Variants in PRKAR1A observed in about 807,000 individuals in gnomAD.
PRKAR1A encodes protein kinase cAMP-dependent type I regulatory subunit alpha.
A neutral mutation model predicts 52.0 loss-of-function variants in PRKAR1A; 3 were observed. The observed-to-expected ratio is 0.06, with a 90% CI of 0.03 to 0.15. PRKAR1A has a LOEUF of 0.15. PRKAR1A is among the 10% of genes least tolerant of loss of function. PRKAR1A has a pLI of 1.00. For missense variants in PRKAR1A, 240 were observed against 477.4 expected (o/e 0.50, Z 4.63); for synonymous variants, 188 against 168.4 (o/e 1.12, Z -0.90).
At position 68,524,893 on chromosome 17, in the gene PRKAR1A, C is replaced by CT. The variant is rs138285568; in HGVS notation, c.503-13dup. 8.5e-5 allele frequency: 136 copies of CT among 1,591,252 alleles called. 1 individual carries two copies. In the South Asian group the frequency reaches 1.1e-3, roughly 13 times the overall value. ...TCTTTAATTTGGAATATGCTTCTAA[C>CT]TTTTTTACCCTCTTTTAGGTGATGA... On this transcript the variant is annotated intron_variant, in intron 5 of 10. Transcript: ENST00000589228.
chr17:68,494,823 C>T, the PRKAR1A span, among the ~76,000 whole-genome samples: 63 of 152,266 alleles, frequency 4.1e-4, no homozygotes, highest in South Asian at 2.1e-3. Context: ...TGACCTCAGT[C>T]GACACCACAT....
chr17:68,531,977 G>T lies in PRKAR1A; in HGVS notation c.*1528G>T, dbSNP rs1397083919. The T allele has an allele frequency of 9.4e-7, 1 of 1,065,718 alleles. No homozygotes were observed. The highest frequency in any genetic ancestry group is 1.6e-5 in the African/African-American group (1 of 61,044). The allele number at this position is 1,065,718 out of a possible 1,614,324, so 66.0% of individuals were successfully genotyped here. On this transcript the variant is annotated 3_prime_UTR_variant, in exon 11 of 11. Coordinates refer to ENST00000589228, the MANE Select transcript of PRKAR1A (RefSeq NM_002734.5). ...GACTCTGTTATTGATCCCTTCTCCT[G>T]CCCTTTCCCAGGTAATTTAAATTGG...
the PRKAR1A span, among the ~76,000 whole-genome samples, chr17:68,478,334 C>G: frequency 6.6e-6 from 1 of 152,160 alleles, no homozygotes; most frequent in Non-Finnish European, 1.5e-5. Flanking sequence ...CGCCTGTAGT[C>G]CCAGCTACTC....
chr17:68,506,225 A>G, the PRKAR1A span, among the ~76,000 whole-genome samples: 6 of 147,022 alleles, frequency 4.1e-5, no homozygotes, highest in Non-Finnish European at 6.0e-5. Flanking sequence ...ACCATCTTCC[A>G]TCTTATCCTT....
At chr17:68,496,338 G>A in the PRKAR1A span, among the ~76,000 whole-genome samples, 4 of 151,860 alleles carry the variant, frequency 2.6e-5, no homozygotes, top group East Asian at 2.0e-4. Flanking sequence ...CACTGCGCCC[G>A]GCCCTCTCTG....
chr17:68,445,729 T>G, the PRKAR1A span, among the ~76,000 whole-genome samples: 24 of 152,332 alleles, frequency 1.6e-4, no homozygotes, highest in African/African-American at 5.1e-4. Flanking sequence ...CATAGCCCAG[T>G]ACAAGGGCAG....
chr17:68,465,770 G>A, the PRKAR1A span, among the ~76,000 whole-genome samples: 2 of 151,714 alleles, frequency 1.3e-5, no homozygotes, highest in Non-Finnish European at 2.9e-5. Flanking sequence ...CGCCCGGCCT[G>A]TCTCAGCTTT....
Position 68,522,770 on chromosome 17 carries a change from G to A in PRKAR1A, c.192G>A (p.Gln64=), listed in dbSNP as rs1438564398. The A allele has an allele frequency of 6.2e-7, 1 of 1,614,112 alleles. No individual in the cohort carries two copies. The highest frequency in any genetic ancestry group is 1.7e-5 in the Admixed American group (1 of 60,014). Residue 64 remains glutamine, a synonymous_variant, in exon 3 of 11, where the codon CAG becomes CAA. Transcript: ENST00000589228. ...ATTTCTTTCAGGAGGAGGCAAAACA[G>A]ATTCAGAATCTGCAGAAAGCAGGCA... The part of the protein sequence containing the change: ...FERLEKEEAK[Q]IQNLQKAGTR...
chr17:68,517,661 G>A (rs28521534), intron 2 of PRKAR1A, among the ~76,000 whole-genome samples: 108,819 of 152,102 alleles, frequency 0.72, 39,334 homozygotes, highest in East Asian at 0.9. Flanking sequence ...TATGGGAACT[G>A]CAATTCAAGA....
At chr17:68,435,154 C>A in the PRKAR1A span, among the ~76,000 whole-genome samples, 1 of 151,538 alleles carries the variant, frequency 6.6e-6, no homozygotes, top group Non-Finnish European at 1.5e-5. Flanking sequence ...TTGCAGTGAG[C>A]CGAGATTGCG....
intron 11 of PRKAR1A, among the ~76,000 whole-genome samples, chr17:68,549,948 A>T (rs1401772884): frequency 3.9e-5 from 6 of 152,220 alleles, no homozygotes; most frequent in Admixed American, 3.9e-4. Context: ...CTTGGAAAGG[A>T]GTCTCTATAT....
At chr17:68,509,672 G>A (rs943589565), upstream of PRKAR1A, among the ~76,000 whole-genome samples, 1 of 152,044 alleles carries the variant, frequency 6.6e-6, no homozygotes, top group Non-Finnish European at 1.5e-5. Flanking sequence ...TCTCACAGTG[G>A]CACAGTGGCA....
the PRKAR1A span, among the ~76,000 whole-genome samples, chr17:68,459,051 AAC>A: frequency 8.9e-4 from 135 of 152,334 alleles, no homozygotes; most frequent in South Asian, 3.3e-3. Context: ...ATGCAAATGT[AAC>A]AGTTTCTTTT....
chr17:68,527,126 T>C (rs1249144615), intron 7 of PRKAR1A, among the ~76,000 whole-genome samples: 2 of 152,214 alleles, frequency 1.3e-5, no homozygotes, highest in Non-Finnish European at 2.9e-5. Flanking sequence ...CCTGGAACTA[T>C]TGGTTTGAAA....
In PRKAR1A at chr17:68,532,800, CCG is replaced by C. The variant is rs2086013291; in HGVS notation, c.*2352_*2353del. 1 of 1,066,452 alleles carries C rather than the reference CCG, an allele frequency of 9.4e-7. No homozygotes were observed. Among genetic ancestry groups the C allele is most frequent in the African/African-American group, 1.6e-5 (1 of 61,204 alleles). 66.1% of individuals were successfully genotyped at this position (1,066,452 alleles called of 1,614,324 possible). A position where few individuals can be genotyped will look rare whatever the true frequency, so the allele number is the denominator to read the frequency against. On this transcript the variant is annotated 3_prime_UTR_variant, in exon 11 of 11. Coordinates refer to ENST00000589228, the MANE Select transcript of PRKAR1A (RefSeq NM_002734.5). Reference sequence around the variant, plus strand: ...TCAGTTTTTCTTCCCTTTCTCCTTTCCGTCTTTCCTCTCTCTGTCCTTCCCCG... The same window carrying C: ...TCAGTTTTTCTTCCCTTTCTCCTTTCTCTTTCCTCTCTCTGTCCTTCCCCG...
At chr17:68,514,436 C>G (rs1054129150) in intron 1 of PRKAR1A, among the ~76,000 whole-genome samples, 1 of 152,134 alleles carries the variant, frequency 6.6e-6, no homozygotes, top group Non-Finnish European at 1.5e-5. Context: ...GTATATGACC[C>G]TGTTGTTAAA....
chr17:68,498,870 T>C, the PRKAR1A span, among the ~76,000 whole-genome samples: 2,750 of 152,278 alleles, frequency 0.018, 99 homozygotes, highest in African/African-American at 0.062. Context: ...CCCTCTCCTC[T>C]TTAAAGGTCT....
At chr17:68,461,887 G>T in the PRKAR1A span, among the ~76,000 whole-genome samples, 3 of 152,186 alleles carry the variant, frequency 2.0e-5, no homozygotes, top group African/African-American at 7.2e-5. This position sits in a 1 kb window ranked among gnomAD's most constrained non-coding sequence, Gnocchi z 4.6. Context: ...TGATTGGCAA[G>T]CAGGAAGCCC....
downstream of PRKAR1A, chr17:68,536,597 G>A (rs754687887): frequency 1.6e-4 from 71 of 453,462 alleles, 1 homozygote; most frequent in East Asian, 6.3e-4. Flanking sequence ...GGGATGGGCC[G>A]GGGACAATCC....
Sources: gnomAD v4.1 joint callset for allele counts (sites outside exome capture counted in the v4.1 genomes callset) on GRCh38, gnomAD v4.1.1 for gene constraint, Gnocchi (gnomAD v3.1) non-coding constraint, MANE v1.5 for transcripts, NCBI Gene and HGNC (gene_info 2026-07-23, HGNC 2026-07-21) for gene names.